Variants in ELAVL4 observed in about 807,000 individuals in gnomAD.
ELAVL4 encodes ELAV like RNA binding protein 4, also known as ELAV-like protein 4.
Under a neutral mutation model 35.6 loss-of-function variants are expected in ELAVL4, and 1 was observed. The observed-to-expected ratio is 0.03, with a 90% CI of 0.01 to 0.13. ELAVL4 has a LOEUF of 0.13. Ranked by LOEUF, ELAVL4 falls within the 10% of genes least tolerant of loss-of-function variation. The pLI, the probability that ELAVL4 is intolerant of heterozygous loss-of-function variation, is 1.00. For synonymous variants in ELAVL4, 156 were observed against 171.0 expected (o/e 0.91, Z 0.69); for missense variants, 267 against 464.9 (o/e 0.57, Z 3.91).
chr1:50,138,799 G>C (rs1332934942), intron 1 of ELAVL4, among the ~76,000 whole-genome samples: 2 of 152,108 alleles, frequency 1.3e-5, no homozygotes, highest in African/African-American at 4.8e-5. Context: ...ATTTGACATA[G>C]AGATGGAAAG....
chr1:50,075,685 G>A (rs544787700), intron 1 of ELAVL4, among the ~76,000 whole-genome samples: 2 of 152,278 alleles, frequency 1.3e-5, no homozygotes, highest in Admixed American at 6.5e-5. Flanking sequence ...TTGACTTTAC[G>A]ATGGTGTGAA....
At chr1:50,171,953 C>T (rs1027170676) in intron 2 of ELAVL4, among the ~76,000 whole-genome samples, 2 of 152,204 alleles carry the variant, frequency 1.3e-5, no homozygotes, top group African/African-American at 4.8e-5. Flanking sequence ...TCAGCCTGAA[C>T]TAGGGGTTCT....
At chr1:50,096,808 A>C (rs1196066065) in intron 1 of ELAVL4, among the ~76,000 whole-genome samples, 1 of 152,196 alleles carries the variant, frequency 6.6e-6, no homozygotes, top group Non-Finnish European at 1.5e-5. Context: ...CCCAGTTTAA[A>C]TATGACACAA....
intron 2 of ELAVL4, among the ~76,000 whole-genome samples, chr1:50,148,888 G>A (rs887758678): frequency 6.6e-6 from 1 of 152,140 alleles, no homozygotes; most frequent in African/African-American, 2.4e-5. Flanking sequence ...TAAACATTGA[G>A]ATTGCCTTAC....
upstream of ELAVL4, among the ~76,000 whole-genome samples, chr1:50,108,433 G>A (rs369735305): frequency 6.6e-6 from 1 of 152,188 alleles, no homozygotes; most frequent in African/African-American, 2.4e-5. Flanking sequence ...GCACATTAAA[G>A]TGCTTTTGTT....
intron 2 of ELAVL4, chr1:50,174,285 A>G (rs562564531): frequency 1.3e-5 from 2 of 152,306 alleles, no homozygotes; most frequent in East Asian, 3.9e-4. Flanking sequence ...CTGTTCATGA[A>G]CTAGGCTAAC....
At chr1:50,091,951 C>A (rs774799168) in intron 1 of ELAVL4, among the ~76,000 whole-genome samples, 1 of 152,106 alleles carries the variant, frequency 6.6e-6, no homozygotes, top group East Asian at 1.9e-4. Context: ...CAAACTCTTT[C>A]GCCTAGACCA....
At chr1:50,097,231 A>G (rs1017983644) in intron 1 of ELAVL4, among the ~76,000 whole-genome samples, 1 of 152,088 alleles carries the variant, frequency 6.6e-6, no homozygotes, top group African/African-American at 2.4e-5. Context: ...AAAAGAAAGA[A>G]AAAACAAAAC....
chr1:50,176,450 G>T lies in ELAVL4; in HGVS notation c.251-639G>T, dbSNP rs184350321. Among the ~76,000 whole-genome samples the T allele has an allele frequency of 2.1e-4, 32 of 152,270 alleles. No individual in the cohort carries two copies. The East Asian group carries it at 5.0e-3, about 24-fold the overall frequency. ...TCTTGCTACATCCCTCTGAATGTGG[G>T]TGTGGCTGGCATGACCGAGGCAATA... On this transcript the variant is annotated intron_variant, in intron 2 of 6. Transcript: ENST00000371824.
chr1:50,058,760 T>C (rs1280596100), intron 1 of ELAVL4, among the ~76,000 whole-genome samples: 1 of 151,924 alleles, frequency 6.6e-6, no homozygotes, highest in East Asian at 1.9e-4. Flanking sequence ...ACTATAGGCA[T>C]GCACCACCAT....
chr1:50,112,479 C>G (rs1431956247), intron 1 of ELAVL4, among the ~76,000 whole-genome samples: 1 of 152,008 alleles, frequency 6.6e-6, no homozygotes, highest in South Asian at 2.1e-4. Context: ...GCTGAATGTG[C>G]ATTTATTAAG....
chr1:50,063,099 G>C (rs1392790887), intron 1 of ELAVL4, among the ~76,000 whole-genome samples: 1 of 152,076 alleles, frequency 6.6e-6, no homozygotes, highest in Non-Finnish European at 1.5e-5. Context: ...CCTAGGAGAG[G>C]TCACTTTAAA....
chr1:50,168,820 A>T (rs1196336014), intron 2 of ELAVL4, among the ~76,000 whole-genome samples: 1 of 151,630 alleles, frequency 6.6e-6, no homozygotes, highest in Non-Finnish European at 1.5e-5. Context: ...TAAGCAGCCA[A>T]CTCCAAAAAT....
chr1:50,128,558 G>GT (rs1376645875), intron 1 of ELAVL4, among the ~76,000 whole-genome samples: 1 of 152,136 alleles, frequency 6.6e-6, no homozygotes, highest in Admixed American at 6.5e-5. Context: ...GATAGAGAAA[G>GT]ATAGGAGGCT....
chr1:50,097,600 TC>T (rs1458724561), intron 1 of ELAVL4, among the ~76,000 whole-genome samples: 4 of 152,140 alleles, frequency 2.6e-5, no homozygotes, highest in African/African-American at 9.7e-5. Context: ...TCCTTTATGT[TC>T]CCTAGTGAAT....
chr1:50,125,113 C>T (rs533733938), intron 1 of ELAVL4, among the ~76,000 whole-genome samples: 1 of 151,926 alleles, frequency 6.6e-6, no homozygotes, highest in South Asian at 2.1e-4. Context: ...GTAGTGTGTG[C>T]CTGTAGTCCT....
At chr1:50,194,928 G>A (rs993385893) in intron 4 of ELAVL4, among the ~76,000 whole-genome samples, 1 of 152,188 alleles carries the variant, frequency 6.6e-6, no homozygotes, top group Non-Finnish European at 1.5e-5. Context: ...GGAGGATCAG[G>A]CAGTTCAGGG....
At chr1:50,170,007 G>A (rs570180672) in intron 2 of ELAVL4, among the ~76,000 whole-genome samples, 1 of 152,308 alleles carries the variant, frequency 6.6e-6, no homozygotes, top group East Asian at 1.9e-4. Flanking sequence ...CTAGCATGTG[G>A]TAGGTGCTAG....
chr1:50,077,168 T>C (rs893196526), intron 1 of ELAVL4, among the ~76,000 whole-genome samples: 3 of 152,120 alleles, frequency 2.0e-5, no homozygotes, highest in African/African-American at 4.8e-5. Context: ...TACATGTATA[T>C]AAGTAGATAC....
Sources: gnomAD v4.1 joint callset for allele counts (sites outside exome capture counted in the v4.1 genomes callset) on GRCh38, gnomAD v4.1.1 for gene constraint, MANE v1.5 for transcripts, NCBI Gene and HGNC (gene_info 2026-07-23, HGNC 2026-07-21) for gene names.